Variants in BCORL1 observed in about 807,000 individuals in gnomAD.
BCORL1 encodes the protein BCL6 corepressor like 1, also known as BCL-6 corepressor-like protein 1.
Under a neutral mutation model 87.6 loss-of-function variants are expected in BCORL1, and 7 were observed. That is an observed-to-expected ratio of 0.08 (90% CI 0.05 to 0.15). The LOEUF (loss-of-function observed/expected upper bound fraction) is 0.15, where lower values mean the gene tolerates loss of function less well. BCORL1 is among the 10% of genes least tolerant of loss of function. The probability of loss-of-function intolerance (pLI) is 1.00; values close to 1 mark genes in which losing one functional copy is unlikely to be tolerated. For synonymous variants in BCORL1, 591 were observed against 634.4 expected (o/e 0.93, Z 1.03); for missense variants, 1,215 against 1,499.7 (o/e 0.81, Z 3.13).
chrX:130,014,687 C>T lies in BCORL1; in HGVS notation c.1915C>T (p.Arg639Cys), dbSNP rs779380175. ...CCAGAAGCTTCCATTGCCGAACCAG[C>T]GCAAGACACCCCCCATGCCTGTGTT... ...NRQKLPLPNQ[R>C]KTPPMPVLTP... Residue 639 changes from arginine to cysteine, a missense_variant, in exon 4 of 14, where the codon CGC (arginine) becomes TGC (cysteine). By Grantham distance (180) the Arg-to-Cys change is radical. Coordinates refer to ENST00000540052, the MANE Select transcript of BCORL1 (RefSeq NM_001379451.1). 1 of 1,209,130 alleles carries T rather than the reference C, an allele frequency of 8.3e-7. No homozygotes were observed. Among genetic ancestry groups the T allele is most frequent in the African/African-American group, 1.8e-5 (1 of 56,913 alleles).
chrX:130,017,263 G>T (rs1929504537), intron 4 of BCORL1, among the ~76,000 whole-genome samples: 1 of 111,062 alleles, frequency 9.0e-6, no homozygotes, highest in Admixed American at 9.6e-5. Flanking sequence ...CCTGGGATAG[G>T]TGTTTGGGTG....
In BCORL1 at chrX:129,983,233, G is replaced by A. The variant is rs752773403; in HGVS notation, c.-45+471G>A. 4.6e-5 allele frequency among the ~76,000 whole-genome samples: 5 copies of A among 109,038 alleles called. No individual in the cohort carries two copies. In the South Asian group the frequency reaches 2.0e-3, roughly 44 times the overall value. 94.7% of individuals were successfully genotyped at this position (109,038 alleles called of 115,157 possible). The stretch of plus-strand genomic sequence containing the variant: ...CACGATCCAAGAGAGTCTTCTTCCC[G>A]GCTGGGCGGGGGTCTCCATGGAAAC... On this transcript the variant is annotated intron_variant, in intron 1 of 13. Transcript: ENST00000540052.
At chrX:129,981,933 G>T (rs1288480418), upstream of BCORL1, 1 of 89,043 alleles carries the variant, frequency 1.1e-5, no homozygotes, top group Non-Finnish European at 2.2e-5. Context: ...GGTGGGGGGG[G>T]GAGCGGGAAG....
chrX:129,996,661 C>T (rs1055210386), intron 1 of BCORL1, among the ~76,000 whole-genome samples: 1 of 111,685 alleles, frequency 9.0e-6, no homozygotes, highest in Non-Finnish European at 1.9e-5. Flanking sequence ...CTTTGTCACC[C>T]AGGCTAGAGT....
At chrX:130,040,602 G>C (rs1266840914) in intron 11 of BCORL1, among the ~76,000 whole-genome samples, 4 of 112,190 alleles carry the variant, frequency 3.6e-5, no homozygotes, top group Non-Finnish European at 1.9e-5. Flanking sequence ...TCCAGCTCTG[G>C]GTTCCCAAGC....
At chrX:129,992,972 G>A (rs1457939301) in intron 1 of BCORL1, among the ~76,000 whole-genome samples, 1 of 111,687 alleles carries the variant, frequency 9.0e-6, no homozygotes, top group East Asian at 2.8e-4. Flanking sequence ...TCTCAAAAGG[G>A]ATTCAGAATG....
At chrX:130,009,262 C>T (rs958059169) in intron 2 of BCORL1, among the ~76,000 whole-genome samples, 5 of 110,518 alleles carry the variant, frequency 4.5e-5, no homozygotes, top group African/African-American at 6.6e-5. Flanking sequence ...GTCGGGAGTT[C>T]GAGACCAGCC....
intron 11 of BCORL1, among the ~76,000 whole-genome samples, chrX:130,047,465 G>A (rs1217909569): frequency 8.9e-6 from 1 of 112,293 alleles, no homozygotes; most frequent in Non-Finnish European, 1.9e-5. Flanking sequence ...TTGAGCTTTA[G>A]CTTCTTTGCT....
At chrX:130,017,191 T>C (rs1405124269) in intron 4 of BCORL1, among the ~76,000 whole-genome samples, 3 of 110,350 alleles carry the variant, frequency 2.7e-5, no homozygotes, top group Non-Finnish European at 5.7e-5. Context: ...TTTTAGGGGG[T>C]TCATGGACCT....
rs1399071975 is a variant in BCORL1 at position 130,022,220 on chromosome X, T to TTTTC, written c.3608-661_3608-658dup. 8.4e-3 allele frequency among the ~76,000 whole-genome samples: 875 copies of TTTTC among 104,041 alleles called. 23 individuals carry two copies. The highest frequency in any genetic ancestry group is 0.03 in the African/African-American group (807 of 26,715). The allele number at this position is 104,041 out of a possible 115,157, so 90.3% of individuals were successfully genotyped here. ...TCCAGCTCAGTTAGAACTTTGTTTA[T>TTTTC]TTTCTTTCTTTCTTTCTTTTTTTTT... On this transcript the variant is annotated intron_variant, in intron 5 of 13. Coordinates refer to ENST00000540052, the MANE Select transcript of BCORL1 (RefSeq NM_001379451.1).
At chrX:130,043,773 TATATATATATA>T (rs1192526891) in intron 11 of BCORL1, among the ~76,000 whole-genome samples, 3 of 23,304 alleles carry the variant, frequency 1.3e-4, no homozygotes, top group South Asian at 3.0e-3. Flanking sequence ...TATATATATA[TATATATATATA>T]TTTTTTTTTT....
At chrX:130,041,727 C>T (rs1274504708) in intron 11 of BCORL1, among the ~76,000 whole-genome samples, 1 of 110,935 alleles carries the variant, frequency 9.0e-6, no homozygotes, top group Non-Finnish European at 1.9e-5. Context: ...CTCGGGTTCA[C>T]ACCATTCTCC....
chrX:130,029,053 C>T (rs1389453932), intron 8 of BCORL1, among the ~76,000 whole-genome samples, 192 bp downstream of exon 8: 1 of 111,494 alleles, frequency 9.0e-6, no homozygotes, highest in African/African-American at 3.3e-5. Flanking sequence ...AGGTCTGGCC[C>T]ATGATGGCTT....
rs778468559 is a variant in BCORL1, at chrX:130,014,180, C to T, written c.1408C>T (p.Leu470=). 1.7e-6 allele frequency: 2 copies of T among 1,211,287 alleles called. No individual in the cohort carries two copies. Among genetic ancestry groups the T allele is most frequent in the South Asian group, 1.8e-5 (1 of 56,933 alleles). ...CAGTGTGGCCACACTGCCAACCACT[C>T]TAGGGGTTTCCTCCACTCTTACGCT... ...PLSVATLPTT[L]GVSSTLTLPV... The change falls in exon 4 of 14, where the codon CTA becomes TTA. Residue 470 remains leucine (L), a synonymous_variant. Transcript: ENST00000540052.
Position 130,012,570 on chromosome X carries a change from C to T in BCORL1, c.87-8C>T. ...ATGTCCCTTCTCTGGTTGTATCTTC[C>T]ATGCTAGAAGAGCACCTCTTTCTGA... On this transcript the variant is annotated splice_polypyrimidine_tract_variant and splice_region_variant and intron_variant, in intron 2 of 13. Coordinates refer to ENST00000540052, the MANE Select transcript of BCORL1 (RefSeq NM_001379451.1). 8.3e-7 allele frequency: 1 copy of T among 1,202,021 alleles called. No individual in the cohort carries two copies.
At chrX:130,026,323 A>G (rs1222810579) in intron 7 of BCORL1, among the ~76,000 whole-genome samples, 1 of 112,445 alleles carries the variant, frequency 8.9e-6, no homozygotes, top group Non-Finnish European at 1.9e-5. Flanking sequence ...GGTTTGCTAT[A>G]ATGCAAAGAC....
chrX:129,981,692 G>C (rs1487795091), upstream of BCORL1: 1 of 107,113 alleles, frequency 9.3e-6, no homozygotes, highest in Non-Finnish European at 1.9e-5. Flanking sequence ...GGCGAAGGAC[G>C]GCTAGCCTTG....
At chrX:129,982,161 C>T (rs1926158166), upstream of BCORL1, among the ~76,000 whole-genome samples, 1 of 108,933 alleles carries the variant, frequency 9.2e-6, no homozygotes, top group Non-Finnish European at 1.9e-5. Flanking sequence ...GCTCACTGAC[C>T]CTCTCCCTTC....
At chrX:129,991,516 A>G (rs956250013) in intron 1 of BCORL1, among the ~76,000 whole-genome samples, 1 of 99,810 alleles carries the variant, frequency 1.0e-5, no homozygotes, top group Non-Finnish European at 2.0e-5. Context: ...TTTTATTTTT[A>G]TTTTTAGTAG....
Sources: gnomAD v4.1 joint callset for allele counts (sites outside exome capture counted in the v4.1 genomes callset) on GRCh38, gnomAD v4.1.1 for gene constraint, MANE v1.5 for transcripts, NCBI Gene and HGNC (gene_info 2026-07-23, HGNC 2026-07-21) for gene names.